The following GRM5 variants were observed in gnomAD, a reference collection of about 807,000 sequenced individuals.
The protein encoded by GRM5 is glutamate metabotropic receptor 5.
GRM5 carries 19 observed loss-of-function variants against 83.1 expected under a neutral mutation model. The ratio of observed to expected loss-of-function variants is 0.23; its 90% CI spans 0.16 to 0.34. The LOEUF is 0.34. GRM5 is among the 10% of genes least tolerant of loss of function. The pLI is 1.00. For missense variants in GRM5, 1,160 were observed against 1,588.3 expected (o/e 0.73, Z 4.58); for synonymous variants, 675 against 633.6 (o/e 1.07, Z -0.98).
chr11:88,553,738 C>T (rs10128672), intron 8 of GRM5, among the ~76,000 whole-genome samples: 1 of 152,104 alleles, frequency 6.6e-6, no homozygotes, highest in Admixed American at 6.6e-5. Flanking sequence ...CAGAGCCAAC[C>T]TAGGGATGAA....
At chr11:88,939,753 C>T (rs1476467257) in intron 2 of GRM5, among the ~76,000 whole-genome samples, 1 of 151,480 alleles carries the variant, frequency 6.6e-6, no homozygotes, top group Non-Finnish European at 1.5e-5. Flanking sequence ...AATGAATAAA[C>T]AAATGTTGAG....
chr11:88,517,469 A>C (rs1941553930), intron 9 of GRM5, among the ~76,000 whole-genome samples: 1 of 152,188 alleles, frequency 6.6e-6, no homozygotes, highest in Non-Finnish European at 1.5e-5. Flanking sequence ...ATTTGTGTTG[A>C]AGAATCAGTT....
intron 2 of GRM5, among the ~76,000 whole-genome samples, chr11:89,014,994 A>G (rs10501696): frequency 0.42 from 64,375 of 152,068 alleles, 15,693 homozygotes; most frequent in South Asian, 0.65. Flanking sequence ...CCAGAACCCT[A>G]TTTAGAACCA....
chr11:88,521,951 G>C (rs1267262516), intron 9 of GRM5, among the ~76,000 whole-genome samples: 1 of 152,182 alleles, frequency 6.6e-6, no homozygotes, highest in African/African-American at 2.4e-5. Flanking sequence ...AGGCAACTTG[G>C]CTCTGGGATA....
intron 3 of GRM5, among the ~76,000 whole-genome samples, chr11:88,817,221 T>A (rs1221476788): frequency 1.3e-5 from 2 of 152,150 alleles, no homozygotes; most frequent in African/African-American, 4.8e-5. Flanking sequence ...CATATGGATA[T>A]TTTACACAAA....
At chr11:89,009,386 T>A (rs1332085415) in intron 2 of GRM5, among the ~76,000 whole-genome samples, 1 of 152,188 alleles carries the variant, frequency 6.6e-6, no homozygotes, top group Non-Finnish European at 1.5e-5. Context: ...TTTTAACCAC[T>A]AATTGACCTA....
chr11:88,948,023 G>A (rs115524352), intron 2 of GRM5, among the ~76,000 whole-genome samples: 3,052 of 152,206 alleles, frequency 0.02, 114 homozygotes, highest in African/African-American at 0.07. Flanking sequence ...GATTGGGAGA[G>A]TGGCAGGAAA....
chr11:88,804,109 C>A (rs927442460), intron 3 of GRM5, among the ~76,000 whole-genome samples: 7 of 152,110 alleles, frequency 4.6e-5, no homozygotes, highest in South Asian at 2.1e-4. Flanking sequence ...TAGTTCAACC[C>A]TTGTGGAAGT....
intron 2 of GRM5, among the ~76,000 whole-genome samples, chr11:88,985,356 T>C (rs1939670680): frequency 6.6e-6 from 1 of 152,106 alleles, no homozygotes; most frequent in Admixed American, 6.5e-5. Flanking sequence ...GAAAAAATTA[T>C]AGGTGATTCT....
At chr11:88,530,888 G>A (rs1298042709) in intron 8 of GRM5, among the ~76,000 whole-genome samples, 1 of 152,036 alleles carries the variant, frequency 6.6e-6, no homozygotes, top group Non-Finnish European at 1.5e-5. Flanking sequence ...TTGAGTAAGT[G>A]ACCAGGAATA....
chr11:88,881,258 G>A (rs187766943), intron 2 of GRM5, among the ~76,000 whole-genome samples: 1,554 of 151,694 alleles, frequency 0.01, 31 homozygotes, highest in African/African-American at 0.036. Context: ...TTAAAAGTTT[G>A]AGACTGTCAT....
At chr11:88,773,196 G>A (rs1267976288) in intron 3 of GRM5, among the ~76,000 whole-genome samples, 4 of 152,060 alleles carry the variant, frequency 2.6e-5, no homozygotes, top group African/African-American at 9.7e-5. Flanking sequence ...TTCTCTGATG[G>A]CCAGTGATGA....
chr11:88,645,145 T>C (rs1423002187), intron 4 of GRM5, among the ~76,000 whole-genome samples: 1 of 152,140 alleles, frequency 6.6e-6, no homozygotes, highest in African/African-American at 2.4e-5. Flanking sequence ...AACCCGTTCA[T>C]TTAATCTTCA....
chr11:88,770,023 C>T (rs141166474), intron 3 of GRM5, among the ~76,000 whole-genome samples: 3 of 151,968 alleles, frequency 2.0e-5, no homozygotes, highest in Non-Finnish European at 4.4e-5. Flanking sequence ...ATAGTATACA[C>T]CCTGGATATG....
At chr11:88,997,935 AC>A in intron 2 of GRM5, among the ~76,000 whole-genome samples, 1 of 152,264 alleles carries the variant, frequency 6.6e-6, no homozygotes, top group Non-Finnish European at 1.5e-5. Flanking sequence ...AGTAGGGAGT[AC>A]TTCTCAATAT....
chr11:88,984,592 ACT>A lies in GRM5; in HGVS notation c.661+62618_661+62619del, dbSNP rs540276476. The A allele has an allele frequency of 1.3e-5, 6 of 455,634 alleles. No individual in the cohort carries two copies. In the South Asian group the frequency reaches 2.9e-4, roughly 22 times the overall value. The allele number at this position is 455,634 out of a possible 1,614,324, so 28.2% of individuals were successfully genotyped here. On this transcript the variant is annotated intron_variant, in intron 2 of 9. Coordinates refer to ENST00000305447, the MANE Select transcript of GRM5 (RefSeq NM_001143831.3). ...AATTAGCAATATCTTTATTATCTTA[ACT>A]CTGAGAATTACCTTCCTAAATTTAA...
At chr11:88,687,573 A>G (rs1249169837) in intron 3 of GRM5, among the ~76,000 whole-genome samples, 1 of 36,698 alleles carries the variant, frequency 2.7e-5, no homozygotes, top group African/African-American at 2.0e-4. Flanking sequence ...ATATATATAT[A>G]TATATAATAT....
chr11:88,517,430 G>C (rs1162743278), intron 9 of GRM5, among the ~76,000 whole-genome samples: 1 of 152,206 alleles, frequency 6.6e-6, no homozygotes, highest in Non-Finnish European at 1.5e-5. Flanking sequence ...GGCAAAAAAA[G>C]TTTTAAAAAA....
intron 3 of GRM5, among the ~76,000 whole-genome samples, chr11:88,714,119 T>TTTGTTTTG (rs1385003324): frequency 2.0e-5 from 3 of 152,008 alleles, no homozygotes; most frequent in African/African-American, 7.2e-5. Flanking sequence ...ACTTTAGGAT[T>TTTGTTTTG]TTGTTTTGTT....
Sources: allele counts gnomAD v4.1 joint callset (sites outside exome capture counted in the v4.1 genomes callset), GRCh38; gene constraint gnomAD v4.1.1; transcripts MANE v1.5; gene names NCBI Gene and HGNC (gene_info 2026-07-23, HGNC 2026-07-21).